The following NARF variants were observed in gnomAD, a reference collection of about 807,000 sequenced individuals.
The protein encoded by NARF is nuclear prelamin A recognition factor, also known as iron-only hydrogenase-like protein 2.
In NARF, 41 loss-of-function variants were observed where a neutral mutation model predicts 48.0. The observed-to-expected ratio is 0.85, with a 90% confidence interval of 0.66 to 1.11. The LOEUF is 1.11. Among genes scored for constraint, NARF ranks in the 50% least tolerant of loss-of-function variants. The pLI, the probability that NARF is intolerant of heterozygous loss-of-function variation, is 0.00. For missense variants in NARF, 613 were observed against 590.2 expected, an observed-to-expected ratio of 1.04 and a Z score of -0.40; for synonymous variants, 215 against 225.5, an observed-to-expected ratio of 0.95 and a Z score of 0.42.
intron 4 of NARF, 29 bp from the exon 5 acceptor site, chr17:82,472,535 T>A (rs758545998): frequency 6.4e-7 from 1 of 1,571,590 alleles, no homozygotes; most frequent in Non-Finnish European, 8.6e-7. Context: ...GTACGTGATT[T>A]AAGCTGAATA....
intron 1 of NARF, 117 bp downstream of exon 1, chr17:82,458,947 C>A: frequency 8.1e-7 from 1 of 1,227,050 alleles, no homozygotes; most frequent in East Asian, 3.2e-5. Context: ...TCAAGGCGCC[C>A]CCGGCCTCGG....
rs2043395789 is a variant in NARF at position 82,460,045 on chromosome 17, A to G, written c.81A>G (p.Ala27=). 2 of 1,614,066 alleles carry G rather than the reference A, an allele frequency of 1.2e-6. No individual in the cohort carries two copies. The change falls in exon 2 of 11, where the codon GCA becomes GCG. Residue 27 remains alanine (A), a synonymous_variant. Coordinates refer to ENST00000309794, the MANE Select transcript of NARF (RefSeq NM_012336.4). ...ACCAAGAGAATGTGTCAGCCGATGC[A>G]CCGAGTCCAGCCCAGGAAAATGGAG... ...TDDQENVSAD[A]PSPAQENGEK... is the part of the protein sequence containing the mutation.
chr17:82,471,307 T>C (rs2043696582), intron 4 of NARF, among the ~76,000 whole-genome samples: 1 of 150,648 alleles, frequency 6.6e-6, no homozygotes, highest in Admixed American at 6.6e-5. Context: ...TTCAAAAAAG[T>C]AGCCGGGCGT....
At chr17:82,479,317 T>C in intron 6 of NARF, 1 of 172,288 alleles carries the variant, frequency 5.8e-6, no homozygotes, top group South Asian at 1.3e-4. Context: ...AGCTGTCATT[T>C]AGGGAGCCAA....
At position 82,487,898 on chromosome 17, in the gene NARF, C is replaced by A; in HGVS notation, c.1130-18C>A. Reference sequence around the variant, plus strand: ...ATCGCCTGAGCCCAGGATAAACTTACCTGTGTTTATCTTTCAGGATGCTTA... The same window carrying A: ...ATCGCCTGAGCCCAGGATAAACTTAACTGTGTTTATCTTTCAGGATGCTTA... On this transcript the variant is annotated intron_variant, in intron 10 of 10. Transcript: ENST00000309794. The A allele has an allele frequency of 6.2e-7, 1 of 1,611,476 alleles. No individual in the cohort carries two copies. The highest frequency in any genetic ancestry group is 8.5e-7 in the Non-Finnish European group (1 of 1,178,180).
chr17:82,476,150 G>A (rs2043826931), intron 5 of NARF, among the ~76,000 whole-genome samples: 1 of 152,070 alleles, frequency 6.6e-6, no homozygotes, highest in African/African-American at 2.4e-5. Flanking sequence ...TGGGATTGCA[G>A]GTGCATGCCA....
intron 4 of NARF, among the ~76,000 whole-genome samples, chr17:82,469,170 A>G (rs2043640063): frequency 6.6e-6 from 1 of 152,132 alleles, no homozygotes; most frequent in Non-Finnish European, 1.5e-5. Context: ...CCACCTTCTG[A>G]CAACACGGAC....
At chr17:82,460,732 C>G (rs1323439330) in intron 2 of NARF, 1 of 151,228 alleles carries the variant, frequency 6.6e-6, no homozygotes, top group African/African-American at 2.4e-5. Flanking sequence ...CCACTGCACT[C>G]CAGCCTGGGC....
intron 1 of NARF, among the ~76,000 whole-genome samples, 193 bp from the exon 2 acceptor site, chr17:82,459,799 G>A (rs1157254681): frequency 1.3e-5 from 2 of 152,060 alleles, no homozygotes; most frequent in African/African-American, 4.8e-5. Context: ...AACCCGGGAG[G>A]TGGAGGCTGC....
intron 7 of NARF, chr17:82,481,730 C>CA (rs61126963): frequency 0.027 from 9,873 of 366,348 alleles, 1 homozygote; most frequent in Non-Finnish European, 0.03. Flanking sequence ...AACTTTGTCT[C>CA]AAAAAAAAAA....
intron 1 of NARF, chr17:82,459,190 GC>G: frequency 2.8e-6 from 3 of 1,061,388 alleles, no homozygotes; most frequent in Non-Finnish European, 3.4e-6. Flanking sequence ...TTTCGAACCT[GC>G]CCCTCTGAGG....
chr17:82,481,091 C>G lies in NARF; in HGVS notation c.649C>G (p.Pro217Ala), dbSNP rs1403065912. The change falls in exon 7 of 11, where the codon CCA (proline) becomes GCA (alanine). Residue 217 changes from proline (P) to alanine (A), a missense_variant. Physicochemically the swap from Pro to Ala is conservative, Grantham distance 27. Coordinates refer to ENST00000309794, the MANE Select transcript of NARF (RefSeq NM_012336.4). Reference protein sequence around the residue: ...DYFARQQNLSPEKIFHVIVAP... With the variant: ...DYFARQQNLSAEKIFHVIVAP... ...TGCCCCTCTCCCACAGAACCTGTCT[C>G]CAGAGAAGATTTTCCACGTCATTGT... The G allele has an allele frequency of 6.2e-7, 1 of 1,614,120 alleles. No individual in the cohort carries two copies. Among genetic ancestry groups the G allele is most frequent in the Admixed American group, 1.7e-5 (1 of 60,024 alleles).
chr17:82,481,090 T>C lies in NARF; in HGVS notation c.648T>C (p.Ser216=). ...KDYFARQQNL[S]PEKIFHVIVA... ...GTGCCCCTCTCCCACAGAACCTGTC[T>C]CCAGAGAAGATTTTCCACGTCATTG... Residue 216 remains serine, a synonymous_variant, in exon 7 of 11, where the codon TCT becomes TCC. Coordinates refer to ENST00000309794, the MANE Select transcript of NARF (RefSeq NM_012336.4). 1.2e-6 allele frequency: 2 copies of C among 1,614,066 alleles called. No homozygotes were observed. The highest frequency in any genetic ancestry group is 1.1e-5 in the South Asian group (1 of 91,078).
Position 82,458,749 on chromosome 17 carries a change from C to G in NARF, c.-55C>G. 2.7e-6 allele frequency: 4 copies of G among 1,477,418 alleles called. No homozygotes were observed. Among genetic ancestry groups the G allele is most frequent in the Non-Finnish European group, 3.6e-6 (4 of 1,120,670 alleles). The allele number at this position is 1,477,418 out of a possible 1,614,324, so 91.5% of individuals were successfully genotyped here. A position where few individuals can be genotyped will look rare whatever the true frequency, so the allele number is the denominator to read the frequency against. ...GGGCGGCGGGCAGTGGTGTCCCAGT[C>G]TCCCGGTGCTTCCCTGAGGCTGAGG... On this transcript the variant is annotated 5_prime_UTR_variant, in exon 1 of 11. Coordinates refer to ENST00000309794, the MANE Select transcript of NARF (RefSeq NM_012336.4).
chr17:82,458,713 CA>C, upstream of NARF: 1 of 1,415,496 alleles, frequency 7.1e-7, no homozygotes, highest in Non-Finnish European at 9.2e-7. Flanking sequence ...GGGAGGACAA[CA>C]AAGGGCCGCG....
intron 2 of NARF, among the ~76,000 whole-genome samples, chr17:82,462,123 G>A (rs2043453723): frequency 6.6e-6 from 1 of 152,188 alleles, no homozygotes; most frequent in Non-Finnish European, 1.5e-5. Context: ...CAGGACTGTG[G>A]TGAGGATGAG....
At chr17:82,466,634 G>A (rs2043575328) in intron 3 of NARF, among the ~76,000 whole-genome samples, 1 of 152,072 alleles carries the variant, frequency 6.6e-6, no homozygotes, top group Non-Finnish European at 1.5e-5. Context: ...TGCATTTTTA[G>A]TAGAGATGGG....
chr17:82,460,134 T>TG, intron 2 of NARF, 62 bp downstream of exon 2: 1 of 1,429,050 alleles, frequency 7.0e-7, no homozygotes, highest in Non-Finnish European at 9.8e-7. Context: ...TTTTTCTCTT[T>TG]GGGGGCTCAC....
At chr17:82,464,691 G>T (rs2043521280) in intron 3 of NARF, among the ~76,000 whole-genome samples, 1 of 152,244 alleles carries the variant, frequency 6.6e-6, no homozygotes. Context: ...GGCTTAAGCG[G>T]GGCCTCTGCC....
Sources: allele counts gnomAD v4.1 joint callset (sites outside exome capture counted in the v4.1 genomes callset), GRCh38; gene constraint gnomAD v4.1.1; transcripts MANE v1.5; gene names NCBI Gene and HGNC (gene_info 2026-07-23, HGNC 2026-07-21).